The following PDE1A variants were observed in gnomAD, a reference collection of about 807,000 sequenced individuals.
PDE1A encodes the protein phosphodiesterase 1A.
Under a neutral mutation model 61.7 loss-of-function variants are expected in PDE1A, and 35 were observed. That is an observed-to-expected ratio of 0.57 (90% CI 0.43 to 0.75). The LOEUF (loss-of-function observed/expected upper bound fraction) is 0.75, where lower values mean the gene tolerates loss of function less well. Ranked by LOEUF, PDE1A falls within the 30% of genes least tolerant of loss-of-function variation. PDE1A has a pLI of 0.00. For missense variants in PDE1A, 597 were observed against 630.6 expected, an observed-to-expected ratio of 0.95 and a Z score of 0.57; for synonymous variants, 232 against 213.2, an observed-to-expected ratio of 1.09 and a Z score of -0.77.
At chr2:182,485,368 G>T (rs1226570681) in intron 2 of PDE1A, among the ~76,000 whole-genome samples, 2 of 151,968 alleles carry the variant, frequency 1.3e-5, no homozygotes. Context: ...CTACCTGAGG[G>T]CAATGGGTGG....
At chr2:182,349,987 A>G (rs1180389820) in intron 1 of PDE1A, among the ~76,000 whole-genome samples, 46 of 152,242 alleles carry the variant, frequency 3.0e-4, no homozygotes. Flanking sequence ...TTCTAGATTA[A>G]CACTGGCTCC....
At chr2:182,348,515 T>C (rs981380130) in intron 1 of PDE1A, among the ~76,000 whole-genome samples, 1 of 152,130 alleles carries the variant, frequency 6.6e-6, no homozygotes, top group Non-Finnish European at 1.5e-5. Context: ...TCTCTCATGG[T>C]TCAGGGAATT....
At chr2:182,508,863 G>A (rs1371651657) in intron 2 of PDE1A, among the ~76,000 whole-genome samples, 1 of 146,472 alleles carries the variant, frequency 6.8e-6, no homozygotes, top group Non-Finnish European at 1.5e-5. Context: ...ACATTGTGCA[G>A]GTTAGTTACA....
intron 1 of PDE1A, among the ~76,000 whole-genome samples, chr2:182,389,822 C>A (rs895842640): frequency 2.0e-5 from 3 of 152,148 alleles, no homozygotes; most frequent in Non-Finnish European, 1.5e-5. Context: ...ATAAGGCAGG[C>A]AAAAGAAGGT....
At position 182,237,318 on chromosome 2, in the gene PDE1A, C is replaced by G. The variant is rs1160954985; in HGVS notation, c.350+2792G>C. 2.6e-5 allele frequency among the ~76,000 whole-genome samples: 4 copies of G among 152,028 alleles called. No homozygotes were observed. The South Asian group carries it at 6.2e-4, about 24-fold the overall frequency. Reference sequence around the variant, plus strand: ...GACTAGCCTGGCCAACATGGGAAACCCTGTCTCTACTAAAAATACAAAAAA... The same window carrying G: ...GACTAGCCTGGCCAACATGGGAAACGCTGTCTCTACTAAAAATACAAAAAA... On this transcript the variant is annotated intron_variant, in intron 3 of 13. Transcript: ENST00000351439.
chr2:182,670,763 G>A, the PDE1A span, among the ~76,000 whole-genome samples: 1 of 152,162 alleles, frequency 6.6e-6, no homozygotes, highest in Admixed American at 6.5e-5. Flanking sequence ...TCTTGTTGAT[G>A]TGGAAGTTTT....
At position 182,481,311 on chromosome 2, in the gene PDE1A, A is replaced by G. The variant is rs956271951; in HGVS notation, c.101+40965T>C. Among the ~76,000 whole-genome samples the G allele has an allele frequency of 2.0e-5, 3 of 152,050 alleles. No individual in the cohort carries two copies. The East Asian group carries it at 5.8e-4, about 29-fold the overall frequency. On this transcript the variant is annotated intron_variant, in intron 2 of 14. Coordinates refer to the PDE1A transcript ENST00000410103. ...ATATCCATTATTGTTAAAATACAATAGCATTTATCATAGTCTTCAACAAGT... is the reference window on the plus strand; with the variant it reads ...ATATCCATTATTGTTAAAATACAATGGCATTTATCATAGTCTTCAACAAGT...
the PDE1A span, among the ~76,000 whole-genome samples, chr2:182,567,751 G>A: frequency 4.0e-5 from 6 of 149,104 alleles, no homozygotes; most frequent in Middle Eastern, 3.2e-3. Context: ...TTTATATAAC[G>A]TATAAATCAT....
At chr2:182,381,153 T>C (rs1291836602) in intron 1 of PDE1A, among the ~76,000 whole-genome samples, 1 of 152,116 alleles carries the variant, frequency 6.6e-6, no homozygotes, top group East Asian at 1.9e-4. Context: ...ATAGGTTTTC[T>C]CTTTCTTCAT....
the PDE1A span, among the ~76,000 whole-genome samples, chr2:182,585,609 CAT>C: frequency 1.3e-5 from 2 of 152,188 alleles, no homozygotes; most frequent in Non-Finnish European, 2.9e-5. Context: ...TCCCCACCCA[CAT>C]GACTTTGCTT....
chr2:182,363,767 G>A (rs1699653545), intron 1 of PDE1A, among the ~76,000 whole-genome samples: 1 of 152,058 alleles, frequency 6.6e-6, no homozygotes, highest in Admixed American at 6.6e-5. Flanking sequence ...TTCATAAGGA[G>A]GGATGAGAAA....
chr2:182,230,134 A>T, exon 6 of PDE1A: 1 of 1,611,304 alleles, frequency 6.2e-7, no homozygotes. Context: ...GTGATTAGGC[A>T]AGAAACAGGA....
chr2:182,654,946 G>T, the PDE1A span, among the ~76,000 whole-genome samples: 1 of 152,054 alleles, frequency 6.6e-6, no homozygotes, highest in Non-Finnish European at 1.5e-5. Context: ...AAGGCCTCCT[G>T]GTTATTCATC....
rs1029915602 is a variant in PDE1A, at chr2:182,226,292, A to G, written c.676-2328T>C. Among the ~76,000 whole-genome samples, 6 of 149,902 alleles carry G rather than the reference A, an allele frequency of 4.0e-5. 1 individual carries two copies. Among genetic ancestry groups the G allele is most frequent in the African/African-American group, 1.3e-4 (5 of 39,476 alleles). On this transcript the variant is annotated intron_variant, in intron 6 of 13. Coordinates refer to ENST00000351439, the Ensembl canonical transcript of PDE1A. ...TGACTCATAAATATTTACAATTATT[A>G]TCTTGCTAGCTGTGAAAATTTATTA...
chr2:182,318,411 G>A (rs181282723), intron 1 of PDE1A, among the ~76,000 whole-genome samples: 15 of 152,102 alleles, frequency 9.9e-5, no homozygotes, highest in Non-Finnish European at 1.3e-4. Flanking sequence ...TCTTCATATC[G>A]AGAAATGATT....
intron 13 of PDE1A, among the ~76,000 whole-genome samples, chr2:182,175,206 C>T (rs190423224): frequency 1.3e-3 from 205 of 152,226 alleles, no homozygotes; most frequent in East Asian, 8.3e-3. Flanking sequence ...AATAAACATA[C>T]GTGTGTATGT....
At chr2:182,226,095 GA>G (rs1245691216) in intron 6 of PDE1A, among the ~76,000 whole-genome samples, 1 of 149,182 alleles carries the variant, frequency 6.7e-6, no homozygotes, top group Non-Finnish European at 1.5e-5. Flanking sequence ...AAAGAAAATG[GA>G]AAAAAACCAC....
chr2:182,475,696 A>G (rs923309697), intron 2 of PDE1A, among the ~76,000 whole-genome samples: 5 of 151,904 alleles, frequency 3.3e-5, no homozygotes, highest in Admixed American at 2.6e-4. Flanking sequence ...TTTTTTTGTC[A>G]ACTCTCTTGC....
chr2:182,658,047 TAA>T, the PDE1A span, among the ~76,000 whole-genome samples: 1 of 66,658 alleles, frequency 1.5e-5, no homozygotes, highest in Non-Finnish European at 2.6e-5. Context: ...AGCTTCTCAG[TAA>T]AAAAAAAAAA....
Sources: allele counts gnomAD v4.1 joint callset (sites outside exome capture counted in the v4.1 genomes callset), GRCh38; gene constraint gnomAD v4.1.1; transcripts MANE v1.5; gene names NCBI Gene and HGNC (gene_info 2026-07-23, HGNC 2026-07-21).